The following MMS19 variants were observed in gnomAD, a reference collection of about 807,000 sequenced individuals.
MMS19 encodes the protein MMS19 cytosolic iron-sulfur assembly component.
A neutral mutation model predicts 129.8 loss-of-function variants in MMS19; 77 were observed. The ratio of observed to expected loss-of-function variants is 0.59; its 90% CI spans 0.49 to 0.72. MMS19 has a LOEUF of 0.72. Among genes scored for constraint, MMS19 ranks in the 30% least tolerant of loss-of-function variants. The probability of loss-of-function intolerance (pLI) is 0.00; values close to 1 mark genes in which losing one functional copy is unlikely to be tolerated. For synonymous variants in MMS19, 491 were observed against 502.8 expected, an observed-to-expected ratio of 0.98 and a Z score of 0.31; for missense variants, 1,168 against 1,266.3, an observed-to-expected ratio of 0.92 and a Z score of 1.18.
At chr10:97,472,034 C>T (rs774809364) in intron 8 of MMS19, among the ~76,000 whole-genome samples, 2 of 152,072 alleles carry the variant, frequency 1.3e-5, no homozygotes, top group South Asian at 2.1e-4. Context: ...CTAATGGACA[C>T]GGGTTACCAG....
rs536687259 is a variant in MMS19, at chr10:97,479,682, T to C, written c.262+1260A>G. ...GTGTATAAATCTAATATCATATGTC[T>C]TGTGCATAATTCTTCCAAAGGATCT... On this transcript the variant is annotated intron_variant, in intron 3 of 30. Coordinates refer to ENST00000438925, the MANE Select transcript of MMS19 (RefSeq NM_022362.5). 2.7e-4 allele frequency among the ~76,000 whole-genome samples: 41 copies of C among 152,304 alleles called. 1 individual carries two copies. In the South Asian group the frequency reaches 8.1e-3, roughly 30 times the overall value.
intron 18 of MMS19, 28 bp from the exon 19 acceptor site, chr10:97,464,041 G>C (rs768258480): frequency 3.5e-5 from 56 of 1,599,344 alleles, no homozygotes; most frequent in Non-Finnish European, 4.6e-5. Flanking sequence ...TTCTCTGTAA[G>C]GTTTGCTTAA....
At chr10:97,470,302 T>TA in intron 9 of MMS19, 99 bp from the exon 10 acceptor site, 1 of 813,524 alleles carries the variant, frequency 1.2e-6, no homozygotes, top group Non-Finnish European at 2.1e-6. Flanking sequence ...AAGCAGGTAC[T>TA]ACATCAAGGA....
At chr10:97,489,446 T>C (rs886672001) in intron 1 of MMS19, among the ~76,000 whole-genome samples, 4 of 152,350 alleles carry the variant, frequency 2.6e-5, no homozygotes, top group Admixed American at 1.3e-4. Context: ...AAAGTTGCAA[T>C]GACAGTGCGG....
Position 97,458,579 on chromosome 10 carries a change from G to A in MMS19, c.*113C>T. ...AACAGAGGCCTAGCATTTGTGCTGT[G>A]TCTGTGGGAAAGGCAGTCAGAGACC... On this transcript the variant is annotated 3_prime_UTR_variant, in exon 31 of 31. Transcript: ENST00000438925. The A allele has an allele frequency of 9.7e-7, 1 of 1,029,366 alleles. No homozygotes were observed. The highest frequency in any genetic ancestry group is 1.4e-6 in the Non-Finnish European group (1 of 704,554). 63.8% of individuals were successfully genotyped at this position (1,029,366 alleles called of 1,614,324 possible).
intron 1 of MMS19, among the ~76,000 whole-genome samples, chr10:97,495,927 A>G (rs1167684435): frequency 6.6e-6 from 1 of 152,198 alleles, no homozygotes; most frequent in Non-Finnish European, 1.5e-5. Flanking sequence ...GATTACAGGC[A>G]TGCACCACCA....
intron 10 of MMS19, 52 bp downstream of exon 10, chr10:97,470,077 C>T (rs2135322604): frequency 1.7e-6 from 2 of 1,197,324 alleles, no homozygotes; most frequent in Admixed American, 3.9e-5. Flanking sequence ...TCCTTTAGGA[C>T]CCCTAACTTG....
chr10:97,469,061 G>C lies in MMS19; in HGVS notation c.968C>G (p.Ala323Gly), dbSNP rs569226573. 6.3e-7 allele frequency: 1 copy of C among 1,581,486 alleles called. No homozygotes were observed. The change falls in exon 12 of 31, where the codon GCG (alanine) becomes GGG (glycine). Residue 323 changes from alanine to glycine, a missense_variant. By Grantham distance (60) the Ala-to-Gly change is moderately conservative. This residue lies in a region of MMS19 where 831 missense variants were observed against 910.8 expected (regional missense o/e 0.91). Transcript: ENST00000438925. ...ASERVEAEGL[A>G]ALHSLTACLS... ...ACACGCAGTCAGGGAGTGGAGGGCCGCCAGGCCCTCTGCCTCCACCCGCTC... is the reference window on the plus strand; with the variant it reads ...ACACGCAGTCAGGGAGTGGAGGGCCCCCAGGCCCTCTGCCTCCACCCGCTC...
At chr10:97,495,958 T>G (rs1348315708) in intron 1 of MMS19, among the ~76,000 whole-genome samples, 1 of 152,170 alleles carries the variant, frequency 6.6e-6, no homozygotes, top group African/African-American at 2.4e-5. Flanking sequence ...ATTTTTGTAT[T>G]TTCAGTAGAG....
chr10:97,472,049 ACAGGG>A lies in MMS19; in HGVS notation c.685-1193_685-1189del, dbSNP rs143966327. ...CTAATGGACACGGGTTACCAGATTG[ACAGGG>A]CCTACTAAGTACCCAACACAGTACA... On this transcript the variant is annotated intron_variant, in intron 8 of 30. Coordinates refer to ENST00000438925, the MANE Select transcript of MMS19 (RefSeq NM_022362.5). 3.1e-3 allele frequency among the ~76,000 whole-genome samples: 466 copies of A among 152,348 alleles called. 2 individuals are homozygous for A. Among genetic ancestry groups the A allele is most frequent in the African/African-American group, 0.011 (446 of 41,576 alleles).
At chr10:97,496,117 G>A (rs2039730908) in intron 1 of MMS19, among the ~76,000 whole-genome samples, 1 of 152,148 alleles carries the variant, frequency 6.6e-6, no homozygotes, top group South Asian at 2.1e-4. Flanking sequence ...AATTACAACA[G>A]GGCTAGTGTT....
intron 1 of MMS19, among the ~76,000 whole-genome samples, chr10:97,488,527 C>T (rs186223412): frequency 2.0e-5 from 3 of 152,268 alleles, no homozygotes; most frequent in Admixed American, 6.5e-5. Context: ...GCTCAAGACC[C>T]TTATATAAAA....
intron 2 of MMS19, among the ~76,000 whole-genome samples, chr10:97,483,009 C>T (rs2037154167): frequency 6.6e-6 from 1 of 151,898 alleles, no homozygotes; most frequent in Non-Finnish European, 1.5e-5. Context: ...ATCCGCCCAC[C>T]TCGGCCTCCC....
chr10:97,474,143 A>AG, intron 8 of MMS19, among the ~76,000 whole-genome samples: 1 of 152,078 alleles, frequency 6.6e-6, no homozygotes, highest in East Asian at 1.9e-4. Flanking sequence ...AAAAAAAAAA[A>AG]AAAAAAAGGG....
rs200490757 is a variant in MMS19, at chr10:97,459,234, G to T, written c.2953C>A (p.Pro985Thr). ...CCTGAGGTACTTACCACAGGGGTGG[G>T]CAGGCGAGTGAGAGCATGCATGCAC... is the stretch of plus-strand genomic sequence containing the variant. ...LQCMHALTRL[P>T]TPVLLPYKPQ... Residue 985 changes from proline (P) to threonine (T), a missense_variant, in exon 29 of 31, where the codon CCC becomes ACC. By Grantham distance (38) the Pro-to-Thr change is conservative (BLOSUM62 -1). Coordinates refer to ENST00000438925, the MANE Select transcript of MMS19 (RefSeq NM_022362.5). The T allele has an allele frequency of 6.2e-7, 1 of 1,612,100 alleles. No homozygotes were observed. The highest frequency in any genetic ancestry group is 8.5e-7 in the Non-Finnish European group (1 of 1,179,212).
At chr10:97,490,793 T>C (rs193289906) in intron 1 of MMS19, among the ~76,000 whole-genome samples, 8 of 152,218 alleles carry the variant, frequency 5.3e-5, no homozygotes, top group South Asian at 2.1e-4. Context: ...TTAGGACTTA[T>C]AGCTCGTGAC....
intron 12 of MMS19, among the ~76,000 whole-genome samples, 178 bp downstream of exon 12, chr10:97,468,788 T>C (rs1284909433): frequency 6.6e-6 from 1 of 152,148 alleles, no homozygotes; most frequent in Non-Finnish European, 1.5e-5. Flanking sequence ...TTTGTATTTT[T>C]AGTAGAGACG....
intron 1 of MMS19, among the ~76,000 whole-genome samples, chr10:97,496,225 G>C (rs29001256): frequency 0.012 from 1,876 of 152,268 alleles, 36 homozygotes; most frequent in African/African-American, 0.043. Flanking sequence ...AAAAACGTTT[G>C]TAAGAATTTA....
chr10:97,470,985 A>G, intron 8 of MMS19, 124 bp from the exon 9 acceptor site: 1 of 580,980 alleles, frequency 1.7e-6, no homozygotes, highest in Non-Finnish European at 2.8e-6. Flanking sequence ...ATAGTAAGAT[A>G]ATGAGGCCCC....
Sources: allele counts gnomAD v4.1 joint callset (sites outside exome capture counted in the v4.1 genomes callset), GRCh38; gene constraint gnomAD v4.1.1; regional missense constraint gnomAD v4.1.1; transcripts MANE v1.5; gene names NCBI Gene and HGNC (gene_info 2026-07-23, HGNC 2026-07-21).